TMED3: variants seen among roughly 807,000 people sequenced by gnomAD.
TMED3 encodes transmembrane p24 trafficking protein 3, also known as transmembrane emp24 domain-containing protein 3.
Under a neutral mutation model 15.0 loss-of-function variants are expected in TMED3, and 9 were observed. The ratio of observed to expected loss-of-function variants is 0.60; its 90% CI spans 0.36 to 1.04. The LOEUF is 1.04. TMED3 is among the 50% of genes least tolerant of loss of function. The pLI is 0.01. For synonymous variants in TMED3, 117 were observed against 121.4 expected (o/e 0.96, Z 0.24); for missense variants, 267 against 278.9 (o/e 0.96, Z 0.30).
chr15:79,395,384 TTGGCCAGGC>T (rs776956001), intron 2 of TMED3, among the ~76,000 whole-genome samples: 7 of 152,198 alleles, frequency 4.6e-5, no homozygotes, highest in Non-Finnish European at 7.3e-5. Context: ...TTTCATCATA[TTGGCCAGGC>T]TGGTCTCAAA....
At chr15:79,364,928 C>T (rs144935855) in intron 2 of TMED3, among the ~76,000 whole-genome samples, 2,762 of 152,280 alleles carry the variant, frequency 0.018, 33 homozygotes, top group Middle Eastern at 0.027. Context: ...GGTGTCACAC[C>T]GGCCCTCTGC....
At chr15:79,387,615 CACACAT>C (rs1415438262) in intron 2 of TMED3, among the ~76,000 whole-genome samples, 2 of 151,064 alleles carry the variant, frequency 1.3e-5, no homozygotes, top group South Asian at 2.1e-4. Context: ...CACACACACA[CACACAT>C]ACACACACAC....
intron 2 of TMED3, among the ~76,000 whole-genome samples, chr15:79,372,867 C>T (rs1893365563): frequency 6.6e-6 from 1 of 152,204 alleles, no homozygotes; most frequent in South Asian, 2.1e-4. Context: ...CTTATCAGTG[C>T]CCCTTCTATA....
intron 2 of TMED3, among the ~76,000 whole-genome samples, chr15:79,401,284 A>C (rs568708880): frequency 7.8e-4 from 119 of 152,286 alleles, no homozygotes; most frequent in East Asian, 1.7e-3. Context: ...CCCAGGACGT[A>C]CTCTGGCATG....
At chr15:79,340,541 A>C (rs2058847891) in intron 2 of TMED3, among the ~76,000 whole-genome samples, 4 of 152,220 alleles carry the variant, frequency 2.6e-5, no homozygotes, top group Admixed American at 1.3e-4. Flanking sequence ...AGTGCCAAAA[A>C]ATTTTGAGAT....
intron 2 of TMED3, among the ~76,000 whole-genome samples, chr15:79,316,960 G>A (rs762509417): frequency 6.6e-6 from 1 of 152,176 alleles, no homozygotes; most frequent in Non-Finnish European, 1.5e-5. Context: ...AGCGGATGGG[G>A]AAGTAGCATG....
downstream of TMED3, among the ~76,000 whole-genome samples, chr15:79,323,848 G>T (rs1272075443): frequency 6.6e-6 from 1 of 152,194 alleles, no homozygotes; most frequent in East Asian, 1.9e-4. Flanking sequence ...CCATAAATAT[G>T]TAGATTCATT....
At chr15:79,324,081 C>T (rs527308963), downstream of TMED3, among the ~76,000 whole-genome samples, 40 of 152,336 alleles carry the variant, frequency 2.6e-4, no homozygotes, top group South Asian at 1.2e-3. Flanking sequence ...ACCTCCCCCT[C>T]CTGGGTTTAC....
Position 79,313,759 on chromosome 15 carries a change from C to A in TMED3, c.171C>A (p.Val57=). The A allele has an allele frequency of 6.2e-7, 1 of 1,612,262 alleles. No individual in the cohort carries two copies. The highest frequency in any genetic ancestry group is 1.1e-5 in the South Asian group (1 of 90,968). Residue 57 remains valine (V), a splice_region_variant and synonymous_variant, in exon 2 of 3, where the codon GTC becomes GTA. Transcript: ENST00000299705. ...AGCAATTTTTTTATGGTTGTCAGGT[C>A]ATCACTGGAGGCCACTACGATGTTG... ...QGVKFSLDYQ[V]ITGGHYDVDC... is the part of the protein sequence containing the mutation.
chr15:79,407,132 C>G (rs1893912652), intron 2 of TMED3, among the ~76,000 whole-genome samples: 1 of 152,230 alleles, frequency 6.6e-6, no homozygotes, highest in African/African-American at 2.4e-5. Context: ...TCTCCTGACT[C>G]TTCCTCTATA....
intron 2 of TMED3, among the ~76,000 whole-genome samples, chr15:79,407,700 C>G (rs1358521050): frequency 6.6e-6 from 1 of 152,184 alleles, no homozygotes; most frequent in Non-Finnish European, 1.5e-5. Flanking sequence ...TGCTTTCAGA[C>G]TAAAACAACA....
chr15:79,405,971 C>T (rs1319565841), intron 2 of TMED3, among the ~76,000 whole-genome samples: 2 of 152,196 alleles, frequency 1.3e-5, no homozygotes, highest in Admixed American at 1.3e-4. Flanking sequence ...GTCCTAGAGC[C>T]TGAGGCTGTG....
At chr15:79,370,256 A>ATTTTTTTTTTTTTTTTTTT (rs398028085) in intron 2 of TMED3, among the ~76,000 whole-genome samples, 1 of 104,950 alleles carries the variant, frequency 9.5e-6, no homozygotes, top group Non-Finnish European at 1.8e-5. Context: ...TGCCCAGCTA[A>ATTTTTTTTTTTTTTTTTTT]TTTTTTTTTT....
intron 2 of TMED3, among the ~76,000 whole-genome samples, chr15:79,386,626 G>A (rs913264707): frequency 2.6e-5 from 4 of 151,618 alleles, no homozygotes; most frequent in African/African-American, 9.7e-5. Flanking sequence ...TGCAACCTCC[G>A]CCTCCCAGGT....
chr15:79,327,578 A>T (rs1056929615), downstream of TMED3, among the ~76,000 whole-genome samples: 1 of 152,254 alleles, frequency 6.6e-6, no homozygotes, highest in Non-Finnish European at 1.5e-5. Context: ...CTGCTGTTTG[A>T]TCCTGTATGC....
chr15:79,324,887 T>A (rs1176216726), downstream of TMED3, among the ~76,000 whole-genome samples: 2 of 152,174 alleles, frequency 1.3e-5, no homozygotes, highest in Admixed American at 1.3e-4. Context: ...CCATCTTGGG[T>A]AAGGTACTGA....
At chr15:79,406,827 C>T (rs373929356) in intron 2 of TMED3, among the ~76,000 whole-genome samples, 4 of 152,302 alleles carry the variant, frequency 2.6e-5, no homozygotes, top group African/African-American at 9.6e-5. Context: ...GCCATGTGTG[C>T]CTGTTATGTT....
chr15:79,413,550 C>T (rs1894023140), exon 3 of TMED3: 1 of 152,242 alleles, frequency 6.6e-6, no homozygotes, highest in Non-Finnish European at 1.5e-5. Context: ...GGGGAAATTG[C>T]CATCCAGGTA....
chr15:79,386,574 C>G (rs1019541989), intron 2 of TMED3, among the ~76,000 whole-genome samples: 6 of 152,136 alleles, frequency 3.9e-5, no homozygotes, highest in African/African-American at 1.4e-4. Flanking sequence ...TGGAGTCTCA[C>G]TGTTGCCCAG....
Sources: gnomAD v4.1 joint callset for allele counts (sites outside exome capture counted in the v4.1 genomes callset) on GRCh38, gnomAD v4.1.1 for gene constraint, MANE v1.5 for transcripts, NCBI Gene and HGNC (gene_info 2026-07-23, HGNC 2026-07-21) for gene names.